NRXN1: variants seen among roughly 807,000 people sequenced by gnomAD.
The protein encoded by NRXN1 is neurexin-1.
NRXN1 carries 39 observed loss-of-function variants against 150.9 expected under a neutral mutation model. The observed-to-expected ratio is 0.26, with a 90% confidence interval of 0.20 to 0.34. The LOEUF (loss-of-function observed/expected upper bound fraction) is 0.34, where lower values mean the gene tolerates loss of function less well. NRXN1 is among the 10% of genes least tolerant of loss of function. The pLI, the probability that NRXN1 is intolerant of heterozygous loss-of-function variation, is 1.00. For synonymous variants in NRXN1, 924 were observed against 757.0 expected, an observed-to-expected ratio of 1.22 and a Z score of -3.62; for missense variants, 1,815 against 1,949.9, an observed-to-expected ratio of 0.93 and a Z score of 1.30.
intron 5 of NRXN1, among the ~76,000 whole-genome samples, chr2:50,910,730 A>AT (rs1360811120): frequency 6.6e-6 from 1 of 152,022 alleles, no homozygotes; most frequent in Non-Finnish European, 1.5e-5. Flanking sequence ...TAAAAAAAGA[A>AT]TAATCCACCT....
At chr2:50,272,075 G>A (rs532888076) in intron 17 of NRXN1, among the ~76,000 whole-genome samples, 4 of 152,148 alleles carry the variant, frequency 2.6e-5, no homozygotes, top group Non-Finnish European at 5.9e-5. Context: ...TGGGTGTGAG[G>A]ACAAATTGCA....
intron 17 of NRXN1, among the ~76,000 whole-genome samples, chr2:50,364,873 A>AT (rs1219064223): frequency 2.6e-5 from 4 of 152,008 alleles, no homozygotes; most frequent in Admixed American, 6.6e-5. Flanking sequence ...AGTAATACTG[A>AT]TTTTTTCAAT....
chr2:50,208,542 T>C (rs1016754920), intron 18 of NRXN1, among the ~76,000 whole-genome samples: 1 of 152,068 alleles, frequency 6.6e-6, no homozygotes, highest in Non-Finnish European at 1.5e-5. Flanking sequence ...TAAAATGCTA[T>C]TTGCTCCATT....
intron 17 of NRXN1, among the ~76,000 whole-genome samples, chr2:50,307,997 T>G (rs1044990439): frequency 5.9e-5 from 9 of 152,236 alleles, no homozygotes; most frequent in African/African-American, 2.2e-4. Context: ...TACAACATGA[T>G]GTTTTGACAT....
chr2:50,463,239 A>C lies in NRXN1; in HGVS notation c.3364+2203T>G, dbSNP rs914860173. Reference sequence around the variant, plus strand: ...ATTTAAAAAGTGAGGAAAGTGTTGCATGCTATTTCTATTGCTTATTAATTC... The same window carrying C: ...ATTTAAAAAGTGAGGAAAGTGTTGCCTGCTATTTCTATTGCTTATTAATTC... On this transcript the variant is annotated intron_variant, in intron 17 of 22. Transcript: ENST00000401669. 2.0e-4 allele frequency among the ~76,000 whole-genome samples: 30 copies of C among 151,864 alleles called. No individual in the cohort carries two copies. In the East Asian group the frequency reaches 5.6e-3, roughly 28 times the overall value.
chr2:50,154,810 T>A (rs1031187870), intron 18 of NRXN1, among the ~76,000 whole-genome samples: 6 of 151,646 alleles, frequency 4.0e-5, no homozygotes, highest in African/African-American at 1.2e-4. Flanking sequence ...AGGAGGATTT[T>A]GAATACAAAT....
intron 5 of NRXN1, among the ~76,000 whole-genome samples, chr2:50,721,662 G>A (rs1330464414): frequency 6.6e-6 from 1 of 152,250 alleles, no homozygotes; most frequent in East Asian, 1.9e-4. Context: ...GAAAATTAAA[G>A]CAGTTAAAAG....
intron 17 of NRXN1, among the ~76,000 whole-genome samples, chr2:50,447,443 G>A (rs573328120): frequency 1.9e-4 from 23 of 120,576 alleles, no homozygotes; most frequent in African/African-American, 7.5e-4. Flanking sequence ...TTGTGACACT[G>A]CTCTCCAGCC....
intron 8 of NRXN1, among the ~76,000 whole-genome samples, chr2:50,597,176 G>C (rs1054640186): frequency 8.5e-5 from 13 of 152,084 alleles, no homozygotes; most frequent in Admixed American, 2.6e-4. Context: ...AAGTCATATG[G>C]AGGGTCTTGT....
chr2:51,021,268 A>G (rs1397261968), intron 2 of NRXN1, among the ~76,000 whole-genome samples: 2 of 152,034 alleles, frequency 1.3e-5, no homozygotes, highest in African/African-American at 2.4e-5. Flanking sequence ...CTGTAATAAA[A>G]TGAAACCTGA....
chr2:50,926,990 C>G (rs530432716), intron 2 of NRXN1, among the ~76,000 whole-genome samples: 46 of 152,012 alleles, frequency 3.0e-4, no homozygotes, highest in African/African-American at 9.4e-4. Context: ...GAAGGGAAAG[C>G]TGTCTTAGGG....
chr2:50,545,202 A>G (rs12713105), intron 9 of NRXN1, among the ~76,000 whole-genome samples: 43,797 of 151,978 alleles, frequency 0.29, 6,714 homozygotes, highest in East Asian at 0.51. Flanking sequence ...AAAAGTATGT[A>G]TTTATATATT....
At chr2:50,445,029 C>G (rs956164943) in intron 17 of NRXN1, among the ~76,000 whole-genome samples, 21 of 152,158 alleles carry the variant, frequency 1.4e-4, no homozygotes, top group Non-Finnish European at 4.4e-5. Context: ...GCAGGAAGCA[C>G]TGTGCCCGTA....
chr2:50,442,075 T>G (rs555019758), intron 17 of NRXN1, among the ~76,000 whole-genome samples: 1 of 152,246 alleles, frequency 6.6e-6, no homozygotes, highest in East Asian at 1.9e-4. Context: ...ACTGCATACT[T>G]TCTATAGTGA....
chr2:49,970,339 G>A (rs530446635), intron 21 of NRXN1: 1 of 152,102 alleles, frequency 6.6e-6, no homozygotes, highest in Admixed American at 6.6e-5. Context: ...AGGAGCAAAT[G>A]GAAACGGGTA....
chr2:50,719,417 C>A (rs773513178), intron 5 of NRXN1, among the ~76,000 whole-genome samples: 5 of 151,928 alleles, frequency 3.3e-5, no homozygotes, highest in African/African-American at 4.8e-5. Context: ...CTCATGGAAC[C>A]TGTAATCCCA....
At chr2:49,922,636 A>T (rs978660115) in intron 22 of NRXN1, among the ~76,000 whole-genome samples, 2 of 152,180 alleles carry the variant, frequency 1.3e-5, no homozygotes, top group African/African-American at 4.8e-5. Flanking sequence ...ATAAGAATCA[A>T]ATAGGTGTTG....
intron 5 of NRXN1, among the ~76,000 whole-genome samples, chr2:50,707,741 T>C (rs908867250): frequency 6.6e-6 from 1 of 152,130 alleles, no homozygotes; most frequent in East Asian, 1.9e-4. Context: ...AAACTCTGGG[T>C]ACTCATACGG....
chr2:51,011,082 C>T (rs1667783053), intron 2 of NRXN1, among the ~76,000 whole-genome samples: 1 of 151,968 alleles, frequency 6.6e-6, no homozygotes, highest in Non-Finnish European at 1.5e-5. Flanking sequence ...CCTGATGGCG[C>T]TTTTTAATAT....
Sources: allele counts gnomAD v4.1 joint callset (sites outside exome capture counted in the v4.1 genomes callset), GRCh38; gene constraint gnomAD v4.1.1; transcripts MANE v1.5; gene names NCBI Gene and HGNC (gene_info 2026-07-23, HGNC 2026-07-21).